Variants in TMEM71 observed in about 807,000 individuals in gnomAD.
TMEM71 encodes the protein transmembrane protein 71.
Under a neutral mutation model 38.0 loss-of-function variants are expected in TMEM71, and 44 were observed. That is an observed-to-expected ratio of 1.16 (90% CI 0.91 to 1.49). The LOEUF (loss-of-function observed/expected upper bound fraction) is 1.49. TMEM71 is among the 40% of genes most tolerant of loss of function. TMEM71 has a pLI of 0.00. For synonymous variants in TMEM71, 133 were observed against 122.5 expected, an observed-to-expected ratio of 1.09 and a Z score of -0.56; for missense variants, 367 against 348.6, an observed-to-expected ratio of 1.05 and a Z score of -0.42.
chr8:132,743,918 C>A (rs1828192352), intron 5 of TMEM71, among the ~76,000 whole-genome samples: 1 of 152,198 alleles, frequency 6.6e-6, no homozygotes, highest in Non-Finnish European at 1.5e-5. Context: ...CCCCTTCACC[C>A]AGCAAAATCC....
chr8:132,740,523 T>C (rs1337289767), intron 5 of TMEM71, among the ~76,000 whole-genome samples: 1 of 152,202 alleles, frequency 6.6e-6, no homozygotes, highest in Non-Finnish European at 1.5e-5. Flanking sequence ...ACTATGTCCA[T>C]TGTGTAGGAT....
intron 7 of TMEM71, 43 bp downstream of exon 7, chr8:132,721,997 C>A (rs1358273169): frequency 1.3e-6 from 2 of 1,502,442 alleles, no homozygotes; most frequent in African/African-American, 2.8e-5. Flanking sequence ...TATAGTTTCA[C>A]TAATTATGAA....
At chr8:132,756,061 T>C (rs1828985749) in intron 3 of TMEM71, among the ~76,000 whole-genome samples, 1 of 152,094 alleles carries the variant, frequency 6.6e-6, no homozygotes, top group Non-Finnish European at 1.5e-5. Flanking sequence ...GAGCAGGTCC[T>C]AAAATGAATA....
At chr8:132,757,476 C>A (rs968912996) in intron 2 of TMEM71, among the ~76,000 whole-genome samples, 182 bp from the exon 3 acceptor site, 1 of 152,148 alleles carries the variant, frequency 6.6e-6, no homozygotes, top group African/African-American at 2.4e-5. Context: ...CACCAGGGAT[C>A]TACCGGAAGC....
intron 5 of TMEM71, among the ~76,000 whole-genome samples, chr8:132,736,017 G>A (rs768770191): frequency 5.7e-4 from 86 of 152,180 alleles, no homozygotes; most frequent in Admixed American, 1.2e-3. Context: ...CCTGTTCTTG[G>A]TTAAGAAGAA....
intron 3 of TMEM71, among the ~76,000 whole-genome samples, chr8:132,755,736 T>C (rs1254971049): frequency 6.6e-6 from 1 of 152,238 alleles, no homozygotes; most frequent in Non-Finnish European, 1.5e-5. Context: ...ATATATGCAC[T>C]CAGCCCTGTA....
intron 6 of TMEM71, among the ~76,000 whole-genome samples, chr8:132,727,303 A>C (rs2467989): frequency 0.95 from 144,060 of 150,908 alleles, 68,831 homozygotes; most frequent in East Asian, 1. Context: ...GTCACCCAGG[A>C]TGGAGTGCAA....
intron 5 of TMEM71, among the ~76,000 whole-genome samples, chr8:132,740,764 G>A (rs1827991205): frequency 6.6e-6 from 1 of 152,204 alleles, no homozygotes; most frequent in Non-Finnish European, 1.5e-5. Context: ...ATTGCACAGG[G>A]CTTCTTGCTC....
chr8:132,775,197 G>C, the TMEM71 span, among the ~76,000 whole-genome samples: 7 of 151,752 alleles, frequency 4.6e-5, no homozygotes, highest in African/African-American at 1.7e-4. Context: ...CCAAGAGCTC[G>C]CGTTCTTTCC....
downstream of TMEM71, among the ~76,000 whole-genome samples, chr8:132,709,151 G>C (rs1826137030): frequency 6.6e-6 from 1 of 152,144 alleles, no homozygotes; most frequent in Admixed American, 6.5e-5. Flanking sequence ...AAAAATGTGT[G>C]TTACACATAG....
Position 132,747,085 on chromosome 8 carries a change from T to C in TMEM71, c.344A>G (p.His115Arg), listed in dbSNP as rs1281973070. ...GAGGTTGAAGAGAGAAGAAAAGGAA[T>C]GGCAGATTCTCTTTTTCTTTCTAAA... The part of the protein sequence containing the change: ...RIFRKKKRIC[H>R]SFSSLFNLST... Residue 115 changes from histidine to arginine, a missense_variant, in exon 5 of 10, where the codon CAT (histidine) becomes CGT (arginine). Physicochemically the swap from His to Arg is conservative, Grantham distance 29. Coordinates refer to ENST00000677595, the MANE Select transcript of TMEM71 (RefSeq NM_001382403.1). The C allele has an allele frequency of 6.2e-7, 1 of 1,608,788 alleles. No individual in the cohort carries two copies. The highest frequency in any genetic ancestry group is 8.5e-7 in the Non-Finnish European group (1 of 1,178,628).
chr8:132,744,794 A>G (rs1220103711), intron 5 of TMEM71, among the ~76,000 whole-genome samples: 1 of 152,246 alleles, frequency 6.6e-6, no homozygotes, highest in Non-Finnish European at 1.5e-5. Flanking sequence ...ATAAGGCAAT[A>G]GTAACCAAAA....
chr8:132,751,874 C>A lies in TMEM71; in HGVS notation c.225G>T (p.Trp75Cys), dbSNP rs1277098891. Residue 75 changes from tryptophan to cysteine, a missense_variant, in exon 4 of 10, where the codon TGG becomes TGT. Transcript: ENST00000677595. ...TGTCGCACAGGAAGCTGTCTTCAGT[C>A]CAAATATAGTAGCCATTGGTGAGGA... The part of the protein sequence containing the change: ...PRLLTNGYYI[W>C]TEDSFLCDKD... The A allele has an allele frequency of 1.2e-6, 2 of 1,613,988 alleles. No individual in the cohort carries two copies. The highest frequency in any genetic ancestry group is 8.5e-7 in the Non-Finnish European group (1 of 1,180,034).
At chr8:132,770,421 C>G in the TMEM71 span, among the ~76,000 whole-genome samples, 246 of 152,306 alleles carry the variant, frequency 1.6e-3, 3 homozygotes, top group African/African-American at 5.6e-3. Context: ...GGAATAGGAA[C>G]CCAGTTTAAG....
At chr8:132,775,678 G>A in the TMEM71 span, 1 of 332,022 alleles carries the variant, frequency 3.0e-6, no homozygotes. Context: ...CCGGCAGGCC[G>A]CCTGGCCCCC....
Position 132,746,928 on chromosome 8 carries a change from G to T in TMEM71, c.487+14C>A. The T allele has an allele frequency of 6.4e-7, 1 of 1,569,412 alleles. No homozygotes were observed. The highest frequency in any genetic ancestry group is 8.6e-7 in the Non-Finnish European group (1 of 1,160,878). ...AGATAAAATTTTACTATGGAAAGGAGGACTCAAACTCACCATTTCCATTGC... is the reference window on the plus strand; with the variant it reads ...AGATAAAATTTTACTATGGAAAGGATGACTCAAACTCACCATTTCCATTGC... On this transcript the variant is annotated intron_variant, in intron 5 of 9. Coordinates refer to ENST00000677595, the MANE Select transcript of TMEM71 (RefSeq NM_001382403.1).
chr8:132,766,632 T>G, the TMEM71 span, among the ~76,000 whole-genome samples: 1 of 151,840 alleles, frequency 6.6e-6, no homozygotes, highest in Non-Finnish European at 1.5e-5. Flanking sequence ...AAACCTTGTC[T>G]CTACAAAAAA....
chr8:132,769,203 T>C, the TMEM71 span, among the ~76,000 whole-genome samples: 4 of 152,254 alleles, frequency 2.6e-5, no homozygotes, highest in East Asian at 5.8e-4. Context: ...AGAACTCTTA[T>C]TTGAAGCTTA....
At chr8:132,714,590 G>A (rs556804475) in intron 7 of TMEM71, among the ~76,000 whole-genome samples, 11 of 152,196 alleles carry the variant, frequency 7.2e-5, no homozygotes, top group East Asian at 1.9e-4. Flanking sequence ...AATGTAGATC[G>A]TAAAACTGTA....
Sources: gnomAD v4.1 joint callset for allele counts (sites outside exome capture counted in the v4.1 genomes callset) on GRCh38, gnomAD v4.1.1 for gene constraint, MANE v1.5 for transcripts, NCBI Gene and HGNC (gene_info 2026-07-23, HGNC 2026-07-21) for gene names.